Variants in EPHA6 observed in about 807,000 individuals in gnomAD.
The protein encoded by EPHA6 is ephrin type-A receptor 6.
A neutral mutation model predicts 112.0 loss-of-function variants in EPHA6; 50 were observed. The observed-to-expected ratio is 0.45, with a 90% confidence interval of 0.36 to 0.56. The LOEUF (loss-of-function observed/expected upper bound fraction) is 0.56, where lower values mean the gene tolerates loss of function less well. Among genes scored for constraint, EPHA6 ranks in the 20% least tolerant of loss-of-function variants. The pLI is 0.00. For synonymous variants in EPHA6, 529 were observed against 490.7 expected, an observed-to-expected ratio of 1.08 and a Z score of -1.03; for missense variants, 1,280 against 1,417.4, an observed-to-expected ratio of 0.90 and a Z score of 1.56.
intron 5 of EPHA6, among the ~76,000 whole-genome samples, chr3:97,250,044 C>T (rs2079090314): frequency 6.6e-6 from 1 of 152,146 alleles, no homozygotes; most frequent in Non-Finnish European, 1.5e-5. Flanking sequence ...ACCTCTATAA[C>T]TTGACACTTG....
intron 10 of EPHA6, among the ~76,000 whole-genome samples, chr3:97,508,953 G>GT (rs560263574): frequency 4.3e-4 from 23 of 53,670 alleles, no homozygotes; most frequent in Non-Finnish European, 7.9e-4. Context: ...TTTAAAGTCT[G>GT]TTTTATCAGA....
At chr3:97,102,501 T>A (rs971991727) in intron 3 of EPHA6, among the ~76,000 whole-genome samples, 2 of 152,098 alleles carry the variant, frequency 1.3e-5, no homozygotes, top group African/African-American at 4.8e-5. Context: ...TGAAGAGCTG[T>A]TAAAGGATAC....
chr3:97,573,697 A>T (rs2093356253), intron 11 of EPHA6, among the ~76,000 whole-genome samples: 1 of 152,094 alleles, frequency 6.6e-6, no homozygotes, highest in Non-Finnish European at 1.5e-5. Flanking sequence ...TAAGTGTCTG[A>T]TAGATCAAGA....
intron 3 of EPHA6, among the ~76,000 whole-genome samples, chr3:97,144,951 G>A (rs2076002484): frequency 6.6e-6 from 1 of 151,106 alleles, no homozygotes; most frequent in African/African-American, 2.4e-5. Flanking sequence ...TTTTTCTTAT[G>A]TGAAATCCCA....
chr3:96,894,686 A>G (rs911649284), intron 2 of EPHA6, among the ~76,000 whole-genome samples: 2 of 152,190 alleles, frequency 1.3e-5, no homozygotes, highest in Non-Finnish European at 2.9e-5. Context: ...AACATCAACA[A>G]GGTTGTGGTT....
In EPHA6 at chr3:97,752,957, C is replaced by A. The variant is rs1359000404; in HGVS notation, c.*4256C>A. On this transcript the variant is annotated 3_prime_UTR_variant, in exon 18 of 18. Coordinates refer to ENST00000389672, the MANE Select transcript of EPHA6 (RefSeq NM_001080448.3). ...TGTGAAGTAGAAGAGACTCATATTA[C>A]TTTACATTCAATCAACAAATATTTT... Among the ~76,000 whole-genome samples, 1 of 152,028 alleles carries A rather than the reference C, an allele frequency of 6.6e-6. No homozygotes were observed. The highest frequency in any genetic ancestry group is 2.4e-5 in the African/African-American group (1 of 41,400).
At chr3:97,697,663 A>T (rs1324620357) in intron 14 of EPHA6, among the ~76,000 whole-genome samples, 1 of 152,208 alleles carries the variant, frequency 6.6e-6, no homozygotes, top group Non-Finnish European at 1.5e-5. Context: ...GGTGGCATCA[A>T]ACTGTCACTG....
In EPHA6 at chr3:96,893,250, G is replaced by A. The variant is rs2038079229; in HGVS notation, c.450+26361G>A. Among the ~76,000 whole-genome samples, 4 of 151,934 alleles carry A rather than the reference G, an allele frequency of 2.6e-5. No homozygotes were observed. In the South Asian group the frequency reaches 8.3e-4, roughly 32 times the overall value. On this transcript the variant is annotated intron_variant, in intron 2 of 17. Transcript: ENST00000389672. Reference sequence around the variant, plus strand: ...AACATTATAAATGACTGTGTTACTGGTTTATGTATTTACTATACTACCCTC... The same window carrying A: ...AACATTATAAATGACTGTGTTACTGATTTATGTATTTACTATACTACCCTC...
At chr3:97,512,233 C>G (rs2092377982) in intron 10 of EPHA6, among the ~76,000 whole-genome samples, 1 of 152,080 alleles carries the variant, frequency 6.6e-6, no homozygotes, top group African/African-American at 2.4e-5. Flanking sequence ...GTCAACAATT[C>G]TCAATCATGG....
At chr3:97,480,069 C>T (rs2091485562) in intron 9 of EPHA6, among the ~76,000 whole-genome samples, 1 of 152,102 alleles carries the variant, frequency 6.6e-6, no homozygotes, top group Non-Finnish European at 1.5e-5. Context: ...GGCAACTTAA[C>T]TGTTTTATCT....
chr3:97,082,596 T>G (rs1005071222), intron 3 of EPHA6, among the ~76,000 whole-genome samples: 1 of 151,952 alleles, frequency 6.6e-6, no homozygotes, highest in African/African-American at 2.4e-5. Flanking sequence ...AAACTTTTAA[T>G]CAATTCGAGG....
chr3:97,009,997 T>C, intron 3 of EPHA6: 1 of 918,436 alleles, frequency 1.1e-6, no homozygotes, highest in Admixed American at 2.3e-5. Context: ...TTTTTTTTTT[T>C]TGATAGGAGC....
intron 3 of EPHA6, among the ~76,000 whole-genome samples, chr3:97,017,460 T>C (rs1033391584): frequency 3.9e-5 from 6 of 152,102 alleles, no homozygotes; most frequent in African/African-American, 1.2e-4. Flanking sequence ...AGTCAAAAAA[T>C]TGAGTTCTGG....
chr3:97,334,494 T>TG (rs2082962139), intron 5 of EPHA6, among the ~76,000 whole-genome samples: 1 of 145,396 alleles, frequency 6.9e-6, no homozygotes. Flanking sequence ...TTTTTTTTTT[T>TG]GATGAGAGAC....
chr3:97,392,925 A>G (rs2086498077), intron 5 of EPHA6, among the ~76,000 whole-genome samples: 1 of 151,772 alleles, frequency 6.6e-6, no homozygotes, highest in African/African-American at 2.4e-5. Context: ...AAATATACCT[A>G]GGATATTTCT....
intron 11 of EPHA6, among the ~76,000 whole-genome samples, chr3:97,551,525 G>C (rs1028696276): frequency 6.6e-6 from 1 of 152,054 alleles, no homozygotes; most frequent in Non-Finnish European, 1.5e-5. Context: ...TGAAAATAAT[G>C]TGTTGACCTT....
chr3:97,238,935 C>G (rs952291274), intron 4 of EPHA6, among the ~76,000 whole-genome samples: 1 of 151,650 alleles, frequency 6.6e-6, no homozygotes, highest in Non-Finnish European at 1.5e-5. Flanking sequence ...TTGGTCTATT[C>G]GATTTTTTGT....
chr3:96,915,328 A>G (rs924423618), intron 2 of EPHA6, among the ~76,000 whole-genome samples: 2 of 152,002 alleles, frequency 1.3e-5, no homozygotes. Context: ...GTGGTACATA[A>G]AGTAATTTAG....
At position 97,592,746 on chromosome 3, in the gene EPHA6, T is replaced by C; in HGVS notation, c.2512+9T>C. 2 of 1,576,008 alleles carry C rather than the reference T, an allele frequency of 1.3e-6. No homozygotes were observed. Among genetic ancestry groups the C allele is most frequent in the Non-Finnish European group, 1.7e-6 (2 of 1,166,322 alleles). ...CCCCAGGATTCCTGCTGGTAGGTAT[T>C]TCAGGTGAAGTTTTCTGCCACCATA... is the stretch of plus-strand genomic sequence containing the variant. On this transcript the variant is annotated intron_variant, in intron 12 of 17. Coordinates refer to ENST00000389672, the MANE Select transcript of EPHA6 (RefSeq NM_001080448.3).
Sources: gnomAD v4.1 joint callset for allele counts (sites outside exome capture counted in the v4.1 genomes callset) on GRCh38, gnomAD v4.1.1 for gene constraint, MANE v1.5 for transcripts, NCBI Gene and HGNC (gene_info 2026-07-23, HGNC 2026-07-21) for gene names.